Variants in AKAP13 observed in about 807,000 individuals in gnomAD.
AKAP13 encodes A-kinase anchoring protein 13.
AKAP13 carries 80 observed loss-of-function variants against 264.5 expected under a neutral mutation model. The observed-to-expected ratio is 0.30, with a 90% CI of 0.25 to 0.36. The LOEUF (loss-of-function observed/expected upper bound fraction) is 0.36, where lower values mean the gene tolerates loss of function less well. AKAP13 is among the 10% of genes least tolerant of loss of function. AKAP13 has a pLI of 1.00. For missense variants in AKAP13, 3,712 were observed against 3,435.2 expected (o/e 1.08, Z -2.01); for synonymous variants, 1,380 against 1,250.2 (o/e 1.10, Z -2.19).
intron 1 of AKAP13, among the ~76,000 whole-genome samples, chr15:85,485,169 A>G (rs1198674871): frequency 6.6e-6 from 1 of 152,234 alleles, no homozygotes; most frequent in South Asian, 2.1e-4. Context: ...TGAACATAAC[A>G]ATCAGGGAAT....
chr15:85,619,879 T>G, intron 8 of AKAP13: 2 of 1,407,292 alleles, frequency 1.4e-6, no homozygotes, highest in Non-Finnish European at 1.8e-6. Context: ...ATCAGCAAGT[T>G]CTCAGTCAGT....
chr15:85,612,315 G>A (rs2080674678), intron 8 of AKAP13, among the ~76,000 whole-genome samples: 1 of 152,140 alleles, frequency 6.6e-6, no homozygotes, highest in African/African-American at 2.4e-5. Context: ...TTTATTATGT[G>A]TAAATTATAC....
intron 14 of AKAP13, among the ~76,000 whole-genome samples, chr15:85,674,592 G>A (rs1005217659): frequency 1.3e-5 from 2 of 152,174 alleles, no homozygotes; most frequent in Non-Finnish European, 2.9e-5. Context: ...TGTGATGGGA[G>A]TAGTAGCTTG....
chr15:85,441,954 T>C (rs1322233718), intron 1 of AKAP13, among the ~76,000 whole-genome samples: 1 of 152,138 alleles, frequency 6.6e-6, no homozygotes, highest in Non-Finnish European at 1.5e-5. Flanking sequence ...TAAGAAGATA[T>C]TCACAGTCTT....
chr15:85,559,202 G>T (rs547281054), intron 5 of AKAP13, among the ~76,000 whole-genome samples: 149 of 152,140 alleles, frequency 9.8e-4, no homozygotes, highest in Non-Finnish European at 1.9e-3. Flanking sequence ...TGAAGCACTG[G>T]TTAAACAGAA....
chr15:85,666,493 C>T (rs1427728586), intron 13 of AKAP13, among the ~76,000 whole-genome samples: 2 of 151,898 alleles, frequency 1.3e-5, no homozygotes, highest in African/African-American at 2.4e-5. Flanking sequence ...CTGATGCCTA[C>T]CAGAATTCTT....
chr15:85,692,240 T>G (rs2085327124), intron 16 of AKAP13, among the ~76,000 whole-genome samples: 2 of 152,220 alleles, frequency 1.3e-5, no homozygotes, highest in South Asian at 2.1e-4. Context: ...AATAATGAGC[T>G]AATGAAACTC....
intron 8 of AKAP13, among the ~76,000 whole-genome samples, chr15:85,617,984 A>C (rs1174320871): frequency 6.6e-6 from 1 of 152,208 alleles, no homozygotes; most frequent in Non-Finnish European, 1.5e-5. Flanking sequence ...GTTTCACTGC[A>C]CATGTTGGTA....
intron 1 of AKAP13, among the ~76,000 whole-genome samples, chr15:85,427,882 T>C (rs1001299160): frequency 2.0e-5 from 3 of 152,100 alleles, no homozygotes; most frequent in Admixed American, 6.6e-5. Context: ...GAGAAAGGGG[T>C]AGCCTGTTAG....
intron 8 of AKAP13, among the ~76,000 whole-genome samples, chr15:85,628,176 G>C (rs898608885): frequency 1.3e-5 from 2 of 152,212 alleles, no homozygotes; most frequent in Non-Finnish European, 2.9e-5. Flanking sequence ...ATCTTGGGAT[G>C]TCAAGCCTTC....
chr15:85,609,481 G>A (rs1341080401), intron 8 of AKAP13, among the ~76,000 whole-genome samples: 1 of 152,156 alleles, frequency 6.6e-6, no homozygotes, highest in Admixed American at 6.5e-5. Flanking sequence ...ATATTCTGTT[G>A]TGTATATGTA....
chr15:85,619,970 G>A, intron 8 of AKAP13: 1 of 1,469,770 alleles, frequency 6.8e-7, no homozygotes, highest in Non-Finnish European at 9.0e-7. Context: ...GAGGAGTCTG[G>A]AAGGCAGAGA....
chr15:85,692,922 C>T (rs891946099), intron 16 of AKAP13, among the ~76,000 whole-genome samples: 8 of 152,168 alleles, frequency 5.3e-5, no homozygotes, highest in African/African-American at 1.9e-4. Context: ...CCATGACTCT[C>T]TTCCTGTGTG....
At chr15:85,442,586 A>G (rs2150960517) in intron 1 of AKAP13, among the ~76,000 whole-genome samples, 1 of 143,138 alleles carries the variant, frequency 7.0e-6, no homozygotes, top group Non-Finnish European at 1.5e-5. Flanking sequence ...AACTCTTCTT[A>G]AAACATTTTA....
chr15:85,504,721 A>G (rs570242335), intron 2 of AKAP13, among the ~76,000 whole-genome samples: 66 of 150,174 alleles, frequency 4.4e-4, no homozygotes, highest in South Asian at 2.3e-3. Context: ...AAAAATCCTT[A>G]CATGTCTGCA....
chr15:85,391,354 T>C (rs2150804916), intron 1 of AKAP13, among the ~76,000 whole-genome samples: 2 of 152,356 alleles, frequency 1.3e-5, no homozygotes, highest in Middle Eastern at 6.8e-3. Flanking sequence ...GATGCTAGTG[T>C]ATTATTTGAA....
chr15:85,608,629 T>C lies in AKAP13; in HGVS notation c.4161+22806T>C, dbSNP rs1392552236. Among the ~76,000 whole-genome samples, 5 of 152,194 alleles carry C rather than the reference T, an allele frequency of 3.3e-5. No individual in the cohort carries two copies. In the South Asian group the frequency reaches 6.2e-4, roughly 19 times the overall value. ...GGCAGAGAGAGCTGAATTGGGAAAG[T>C]AGAATTAAAGGATGGACTTTGACTA... On this transcript the variant is annotated intron_variant, in intron 8 of 36. Transcript: ENST00000394518.
rs776119919 is a variant in AKAP13 at position 85,521,537 on chromosome 15, G to A, written c.143G>A (p.Arg48Gln). Residue 48 changes from arginine to glutamine, a missense_variant, in exon 3 of 37, where the codon CGG (arginine) becomes CAG (glutamine). This residue lies in a region of AKAP13 where 2,759 missense variants were observed against 2,411.7 expected (regional missense o/e 1.14). Transcript: ENST00000394518. ...GSTLRHCTST[R>Q]KVSSDTLETI... is the part of the protein sequence containing the mutation. Reference sequence around the variant, plus strand: ...ACCCTCCGTCACTGTACAAGTACTCGGAAGGTCAGTTCTGATACATTGGAG... The same window carrying A: ...ACCCTCCGTCACTGTACAAGTACTCAGAAGGTCAGTTCTGATACATTGGAG... 3.7e-6 allele frequency: 6 copies of A among 1,614,106 alleles called. No homozygotes were observed. The highest frequency in any genetic ancestry group is 1.7e-5 in the Admixed American group (1 of 60,026).
intron 2 of AKAP13, among the ~76,000 whole-genome samples, chr15:85,511,090 G>A (rs188708881): frequency 5.3e-5 from 8 of 152,244 alleles, no homozygotes; most frequent in Admixed American, 1.3e-4. Context: ...TTCTTCAGAC[G>A]TCTCTCTTCC....
Sources: gnomAD v4.1 joint callset for allele counts (sites outside exome capture counted in the v4.1 genomes callset) on GRCh38, gnomAD v4.1.1 for gene constraint, gnomAD v4.1.1 regional missense constraint, MANE v1.5 for transcripts, NCBI Gene and HGNC (gene_info 2026-07-23, HGNC 2026-07-21) for gene names.